SLC25A27: variants seen among roughly 807,000 people sequenced by gnomAD.
SLC25A27 encodes the protein solute carrier family 25 member 27, also known as mitochondrial uncoupling protein 4.
A neutral mutation model predicts 49.1 loss-of-function variants in SLC25A27; 35 were observed. That is an observed-to-expected ratio of 0.71 (90% confidence interval 0.54 to 0.95). SLC25A27 has a LOEUF of 0.95. Among genes scored for constraint, SLC25A27 ranks in the 40% least tolerant of loss-of-function variants. The pLI, the probability that SLC25A27 is intolerant of heterozygous loss-of-function variation, is 0.00. For missense variants in SLC25A27, 339 were observed against 397.1 expected, an observed-to-expected ratio of 0.85 and a Z score of 1.24; for synonymous variants, 144 against 136.9, an observed-to-expected ratio of 1.05 and a Z score of -0.36.
intron 5 of SLC25A27, among the ~76,000 whole-genome samples, chr6:46,665,478 G>A (rs1763291693): frequency 1.3e-5 from 2 of 152,116 alleles, no homozygotes; most frequent in African/African-American, 2.4e-5. Context: ...GAGCTCAGGA[G>A]ATCGAGACCA....
At chr6:46,653,429 G>C in intron 1 of SLC25A27, 131 bp downstream of exon 1, 1 of 1,433,452 alleles carries the variant, frequency 7.0e-7, no homozygotes, top group South Asian at 1.5e-5. Context: ...CCTGGCAGAG[G>C]TGGCGGTGGA....
rs182447056 is a variant in SLC25A27, at chr6:46,662,522, C to T, written c.506+24C>T. The T allele has an allele frequency of 2.5e-6, 4 of 1,611,396 alleles. No homozygotes were observed. In the East Asian group the frequency reaches 8.9e-5, roughly 36 times the overall value. ...CGGTAAGTTCTCCAATTAACCAATA[C>T]CTCTCTTTTTCCCTTGGCCACCGTC... On this transcript the variant is annotated intron_variant, in intron 4 of 8. Coordinates refer to ENST00000371347, the MANE Select transcript of SLC25A27 (RefSeq NM_004277.5).
intron 1 of SLC25A27, chr6:46,653,962 C>A: frequency 1.4e-6 from 1 of 714,356 alleles, no homozygotes; most frequent in Non-Finnish European, 1.7e-6. Context: ...GCTGGGGAGA[C>A]AGAGAAAGAC....
At position 46,652,979 on chromosome 6, in the gene SLC25A27, T is replaced by G; in HGVS notation, c.-214T>G. ...AGTAACCTCCTGGGCTCCGCTGTGT[T>G]TTTCTATTCTGGGGTGTAAGGGGCA... On this transcript the variant is annotated 5_prime_UTR_variant, in exon 1 of 9. Transcript: ENST00000371347. 1.7e-6 allele frequency: 1 copy of G among 579,508 alleles called. No homozygotes were observed. The highest frequency in any genetic ancestry group is 2.9e-5 in the East Asian group (1 of 34,564). The allele number at this position is 579,508 out of a possible 1,614,324, so 35.9% of individuals were successfully genotyped here.
chr6:46,663,242 G>A (rs575238934), intron 4 of SLC25A27, among the ~76,000 whole-genome samples: 2 of 152,230 alleles, frequency 1.3e-5, no homozygotes, highest in Non-Finnish European at 2.9e-5. Context: ...AGGATGACTT[G>A]AGCTGAGTAC....
At chr6:46,658,163 A>G (rs1323512572) in intron 2 of SLC25A27, among the ~76,000 whole-genome samples, 2 of 152,200 alleles carry the variant, frequency 1.3e-5, no homozygotes, top group African/African-American at 4.8e-5. Context: ...TCTCCATATG[A>G]GTAAGTTAGC....
chr6:46,661,905 AAGG>A (rs1457370758), intron 3 of SLC25A27, among the ~76,000 whole-genome samples: 1 of 152,194 alleles, frequency 6.6e-6, no homozygotes, highest in Non-Finnish European at 1.5e-5. Context: ...TAGAGGTCAG[AAGG>A]AGACTTTTCT....
chr6:46,669,675 CATT>C (rs1763452135), intron 6 of SLC25A27, among the ~76,000 whole-genome samples: 1 of 152,106 alleles, frequency 6.6e-6, no homozygotes, highest in African/African-American at 2.4e-5. Flanking sequence ...CTTCTTGTAA[CATT>C]CTTCCTTCAG....
At chr6:46,658,828 A>T (rs765581945) in intron 2 of SLC25A27, 134 bp from the exon 3 acceptor site, 2 of 721,480 alleles carry the variant, frequency 2.8e-6, no homozygotes, top group Non-Finnish European at 5.0e-6. Context: ...TGTTAGAAGC[A>T]CCGGCCCCAT....
Position 46,653,294 on chromosome 6 carries a change from GCTAGGTACCCGGCTGCC to G in SLC25A27, c.104_106+14del, listed in dbSNP as rs1204660925. On this transcript the variant is annotated splice_donor_variant and splice_donor_5th_base_variant and coding_sequence_variant and intron_variant, in exon 1 of 9. Transcript: ENST00000371347. LOFTEE classifies it high-confidence loss of function. Reference sequence around the variant, plus strand: ...CCGGCTGCGCGGCTACCGTGGCCGAGCTAGGTACCCGGCTGCCCACGCCTGGGCCTCCCGGGCCAGTG... The same window carrying G: ...CCGGCTGCGCGGCTACCGTGGCCGAGCACGCCTGGGCCTCCCGGGCCAGTG... 6.2e-7 allele frequency: 1 copy of G among 1,611,874 alleles called. No homozygotes were observed. Among genetic ancestry groups the G allele is most frequent in the Non-Finnish European group, 8.5e-7 (1 of 1,179,254 alleles).
At chr6:46,658,483 G>T in intron 2 of SLC25A27, 1 of 445,512 alleles carries the variant, frequency 2.2e-6, no homozygotes, top group South Asian at 1.6e-5. Context: ...ATTCTCCAAT[G>T]AAATTATGTA....
At chr6:46,661,036 T>C (rs1304401492) in intron 3 of SLC25A27, among the ~76,000 whole-genome samples, 4 of 152,192 alleles carry the variant, frequency 2.6e-5, no homozygotes, top group African/African-American at 9.6e-5. Flanking sequence ...TTATACTTAA[T>C]ACTGAGGCTA....
rs73471173 is a variant in SLC25A27, at chr6:46,668,396, A to T, written c.620-313A>T. ...GGACCTTTTATTTATAAGTGACAGG[A>T]TCTCAATTCAAATTACTTGATCAAA... On this transcript the variant is annotated intron_variant, in intron 5 of 8. Coordinates refer to ENST00000371347, the MANE Select transcript of SLC25A27 (RefSeq NM_004277.5). 2.8e-3 allele frequency among the ~76,000 whole-genome samples: 428 copies of T among 152,332 alleles called. 1 individual carries two copies. Among genetic ancestry groups the T allele is most frequent in the African/African-American group, 9.9e-3 (411 of 41,566 alleles).
At position 46,659,039 on chromosome 6, in the gene SLC25A27, C is replaced by T. The variant is rs1458838300; in HGVS notation, c.376C>T (p.Pro126Ser). Reference protein sequence around the residue: ...VFGKSEDEHYPLWKSVIGGMM... With the variant: ...VFGKSEDEHYSLWKSVIGGMM... ...TGGCAAAAGTGAAGATGAGCATTAT[C>T]CCCTTTGGTAAGTTTTGTTTGGAAA... The change falls in exon 3 of 9, where the codon CCC (proline) becomes TCC (serine). Residue 126 changes from proline to serine, a missense_variant. By Grantham distance (74) the Pro-to-Ser change is moderately conservative. Transcript: ENST00000371347. 1 of 1,608,364 alleles carries T rather than the reference C, an allele frequency of 6.2e-7. No individual in the cohort carries two copies. The highest frequency in any genetic ancestry group is 1.7e-5 in the Admixed American group (1 of 59,658).
At chr6:46,674,904 C>CT (rs1489483142) in intron 8 of SLC25A27, among the ~76,000 whole-genome samples, 1 of 152,162 alleles carries the variant, frequency 6.6e-6, no homozygotes, top group Admixed American at 6.5e-5. Flanking sequence ...AAAAGGGACC[C>CT]TGCTTCTGGT....
In SLC25A27 at chr6:46,653,171, T is replaced by G; in HGVS notation, c.-22T>G. On this transcript the variant is annotated 5_prime_UTR_variant, in exon 1 of 9. Coordinates refer to ENST00000371347, the MANE Select transcript of SLC25A27 (RefSeq NM_004277.5). Reference sequence around the variant, plus strand: ...AGCGCAGCGGCGAGAAGGAGTGCGTTATCGTCTTGCGCTACTGCTGAATGT... The same window carrying G: ...AGCGCAGCGGCGAGAAGGAGTGCGTGATCGTCTTGCGCTACTGCTGAATGT... 6.2e-7 allele frequency: 1 copy of G among 1,605,314 alleles called. No homozygotes were observed.
intron 8 of SLC25A27, among the ~76,000 whole-genome samples, chr6:46,675,184 A>T (rs1317682704): frequency 6.6e-6 from 1 of 152,132 alleles, no homozygotes; most frequent in East Asian, 1.9e-4. Context: ...AGGTACTATG[A>T]CCTTGCTTTG....
chr6:46,669,297 AG>A (rs1763434275), intron 6 of SLC25A27, among the ~76,000 whole-genome samples: 2 of 152,366 alleles, frequency 1.3e-5, no homozygotes, highest in South Asian at 4.1e-4. Flanking sequence ...CAAAGGAGGT[AG>A]AAATAGACAA....
At position 46,653,277 on chromosome 6, in the gene SLC25A27, G is replaced by A. The variant is rs1562031584; in HGVS notation, c.85G>A (p.Ala29Thr). Residue 29 changes from alanine (A) to threonine (T), a missense_variant, in exon 1 of 9, where the codon GCG (alanine) becomes ACG (threonine). By Grantham distance (58) the Ala-to-Thr change is moderately conservative. Transcript: ENST00000371347. The part of the protein sequence containing the change: ...RASKFLLSGC[A>T]ATVAELATFP... ...GAGCAAATTCCTACTGTCCGGCTGC[G>A]CGGCTACCGTGGCCGAGCTAGGTAC... 1 of 1,612,936 alleles carries A rather than the reference G, an allele frequency of 6.2e-7. No individual in the cohort carries two copies. Among genetic ancestry groups the A allele is most frequent in the Non-Finnish European group, 8.5e-7 (1 of 1,179,566 alleles).
Sources: allele counts gnomAD v4.1 joint callset (sites outside exome capture counted in the v4.1 genomes callset), GRCh38; gene constraint gnomAD v4.1.1; transcripts MANE v1.5; gene names NCBI Gene and HGNC (gene_info 2026-07-23, HGNC 2026-07-21).